The following FAM161A variants were observed in gnomAD, a reference collection of about 807,000 sequenced individuals.
The protein encoded by FAM161A is FAM161 centrosomal protein A, also known as protein FAM161A.
In FAM161A, 57 loss-of-function variants were observed where a neutral mutation model predicts 70.9. The observed-to-expected ratio is 0.80, with a 90% CI of 0.65 to 1.00. The LOEUF (loss-of-function observed/expected upper bound fraction) is 1.00. Ranked by LOEUF, FAM161A falls within the 50% of genes least tolerant of loss-of-function variation. FAM161A has a pLI of 0.00. For synonymous variants in FAM161A, 299 were observed against 295.7 expected, an observed-to-expected ratio of 1.01 and a Z score of -0.12; for missense variants, 880 against 836.0, an observed-to-expected ratio of 1.05 and a Z score of -0.65.
At position 61,853,672 on chromosome 2, in the gene FAM161A, C is replaced by G. The variant is rs191983970; in HGVS notation, c.183+187G>C. ...GACTGGTGAAAATTAAAACACTTTTCAACGCCTCGATTTAGAGTAATTTTC... is the reference window on the plus strand; with the variant it reads ...GACTGGTGAAAATTAAAACACTTTTGAACGCCTCGATTTAGAGTAATTTTC... On this transcript the variant is annotated intron_variant, in intron 1 of 6. Transcript: ENST00000404929. Among the ~76,000 whole-genome samples the G allele has an allele frequency of 2.0e-3, 300 of 152,296 alleles. 1 individual carries two copies. Among genetic ancestry groups the G allele is most frequent in the African/African-American group, 3.9e-3 (164 of 41,556 alleles).
intron 5 of FAM161A, among the ~76,000 whole-genome samples, chr2:61,832,611 A>G (rs555766476): frequency 1.3e-5 from 2 of 152,316 alleles, no homozygotes; most frequent in African/African-American, 4.8e-5. Context: ...GTTAGGAACC[A>G]GGCTGCACAG....
the FAM161A span, among the ~76,000 whole-genome samples, chr2:61,813,260 A>C: frequency 9.9e-4 from 151 of 152,074 alleles, 1 homozygote; most frequent in African/African-American, 3.0e-3. Context: ...ACATAGAGAG[A>C]CCTTATCTCT....
chr2:61,816,004 T>C, the FAM161A span, among the ~76,000 whole-genome samples: 23 of 152,176 alleles, frequency 1.5e-4, no homozygotes, highest in Admixed American at 1.5e-3. Context: ...ATCAATGTCT[T>C]TTCTTGAGCC....
intron 2 of FAM161A, 81 bp from the exon 3 acceptor site, chr2:61,840,662 T>C (rs1672988816): frequency 1.7e-6 from 2 of 1,155,802 alleles, no homozygotes. Flanking sequence ...ATTTTCTTTT[T>C]TTTTCTGAGA....
Position 61,840,550 on chromosome 2 carries a change from C to A in FAM161A, c.454G>T (p.Val152Phe), listed in dbSNP as rs1343450969. The change falls in exon 3 of 7, where the codon GTC becomes TTC. Residue 152 changes from valine (V) to phenylalanine (F), a missense_variant. Val to Phe is a conservative substitution (Grantham distance 50). Transcript: ENST00000404929. Reference protein sequence around the residue: ...SVSEKNSYHPVSLMTSFSEPD... With the variant: ...SVSEKNSYHPFSLMTSFSEPD... ...TCTGAAAATGATGTCATTAATGAGA[C>A]AGGGTGATAGGAGTTCTTTTCTGAT... The A allele has an allele frequency of 9.9e-6, 16 of 1,613,028 alleles. No homozygotes were observed. The highest frequency in any genetic ancestry group is 1.4e-5 in the Non-Finnish European group (16 of 1,179,084).
chr2:61,824,598 C>T (rs951806956), downstream of FAM161A, among the ~76,000 whole-genome samples: 6 of 151,978 alleles, frequency 3.9e-5, no homozygotes, highest in Non-Finnish European at 7.4e-5. Flanking sequence ...GGTAATATTC[C>T]CATTTTTTTT....
chr2:61,801,683 C>T, the FAM161A span, among the ~76,000 whole-genome samples: 1 of 151,780 alleles, frequency 6.6e-6, no homozygotes, highest in Non-Finnish European at 1.5e-5. Flanking sequence ...GCCTTAGCCT[C>T]CTGAGCAGCT....
rs1463453470 is a variant in FAM161A at position 61,825,033 on chromosome 2, C to A, written c.*1422G>T. On this transcript the variant is annotated 3_prime_UTR_variant, in exon 7 of 7. Transcript: ENST00000404929. ...AAGAAAATTACAAGTAAACATTTGC[C>A]CCTGATGGAGAAAAATGACCTTATT... The A allele has an allele frequency of 2.2e-6, 1 of 453,326 alleles. No individual in the cohort carries two copies. Among genetic ancestry groups the A allele is most frequent in the African/African-American group, 2.0e-5 (1 of 49,868 alleles). The allele number at this position is 453,326 out of a possible 1,614,324, so 28.1% of individuals were successfully genotyped here.
At chr2:61,811,645 T>C in the FAM161A span, among the ~76,000 whole-genome samples, 2 of 152,142 alleles carry the variant, frequency 1.3e-5, no homozygotes, top group Non-Finnish European at 2.9e-5. Flanking sequence ...AGTGCTGGGA[T>C]TACAGGCATG....
chr2:61,820,314 G>A (rs763194810), downstream of FAM161A: 5 of 734,958 alleles, frequency 6.8e-6, no homozygotes, highest in African/African-American at 1.7e-5. Context: ...AATGGGGAAT[G>A]CTCACAGGCT....
At chr2:61,847,088 GGAGGCA>G (rs1673246383) in intron 1 of FAM161A, 2 of 342,688 alleles carry the variant, frequency 5.8e-6, no homozygotes, top group Non-Finnish European at 1.2e-5. Context: ...CTTGAATCCA[GGAGGCA>G]GAGGTTGCAG....
At chr2:61,804,768 G>GAAAGAAAGAAAGAA in the FAM161A span, among the ~76,000 whole-genome samples, 963 of 119,028 alleles carry the variant, frequency 8.1e-3, 13 homozygotes, top group Middle Eastern at 0.015. Context: ...GAAAAAGAAA[G>GAAAGAAAGAAAGAA]AGAAAGAAAG....
chr2:61,812,519 C>G, the FAM161A span, among the ~76,000 whole-genome samples: 1 of 150,778 alleles, frequency 6.6e-6, no homozygotes, highest in Non-Finnish European at 1.5e-5. Flanking sequence ...GTCAGGAGTT[C>G]GAGACCAGCC....
At chr2:61,807,293 A>G in the FAM161A span, among the ~76,000 whole-genome samples, 1 of 151,650 alleles carries the variant, frequency 6.6e-6, no homozygotes, top group Non-Finnish European at 1.5e-5. Context: ...GCAAATAAAG[A>G]GGCAGAAAAA....
In FAM161A at chr2:61,843,075, G is replaced by A. The variant is rs141353071; in HGVS notation, c.184-715C>T. Among the ~76,000 whole-genome samples, 168 of 152,308 alleles carry A rather than the reference G, an allele frequency of 1.1e-3. 2 individuals are homozygous for A. Among genetic ancestry groups the A allele is most frequent in the African/African-American group, 3.8e-3 (159 of 41,566 alleles). ...AAATGCTGTAATTATTCAACATACA[G>A]ATCATGTTTAGAAGGGTCTGACTGG... On this transcript the variant is annotated intron_variant, in intron 1 of 6. Transcript: ENST00000404929.
chr2:61,816,179 C>T, the FAM161A span, among the ~76,000 whole-genome samples: 2 of 152,132 alleles, frequency 1.3e-5, no homozygotes, highest in Non-Finnish European at 2.9e-5. Flanking sequence ...TCAAACACAC[C>T]TCCATACTGA....
intron 1 of FAM161A, among the ~76,000 whole-genome samples, chr2:61,847,905 C>T (rs1412090350): frequency 6.6e-6 from 1 of 151,604 alleles, no homozygotes; most frequent in Non-Finnish European, 1.5e-5. Flanking sequence ...AATGAATGTA[C>T]AGAAAAAAAA....
the FAM161A span, among the ~76,000 whole-genome samples, chr2:61,806,680 C>CTTTTTTTTTTTTTTTTTTTT: frequency 1.8e-4 from 11 of 61,592 alleles, 1 homozygote; most frequent in Middle Eastern, 0.014. Flanking sequence ...CTTTCCACGT[C>CTTTTTTTTTTTTTTTTTTTT]TTTTTTTTTT....
chr2:61,808,404 C>T, the FAM161A span, among the ~76,000 whole-genome samples: 4 of 152,046 alleles, frequency 2.6e-5, no homozygotes, highest in African/African-American at 9.6e-5. Flanking sequence ...TCCCAAGTAG[C>T]TGGGGCTACA....
Sources: gnomAD v4.1 joint callset for allele counts (sites outside exome capture counted in the v4.1 genomes callset) on GRCh38, gnomAD v4.1.1 for gene constraint, MANE v1.5 for transcripts, NCBI Gene and HGNC (gene_info 2026-07-23, HGNC 2026-07-21) for gene names.